The following KCNH5 variants were observed in gnomAD, a reference collection of about 807,000 sequenced individuals.
The protein encoded by KCNH5 is potassium voltage-gated channel subfamily H member 5.
A neutral mutation model predicts 96.1 loss-of-function variants in KCNH5; 46 were observed. That is an observed-to-expected ratio of 0.48 (90% CI 0.38 to 0.61). KCNH5 has a LOEUF of 0.61. KCNH5 is among the 20% of genes least tolerant of loss of function. KCNH5 has a pLI of 0.00. For missense variants in KCNH5, 907 were observed against 1,225.8 expected, an observed-to-expected ratio of 0.74 and a Z score of 3.88; for synonymous variants, 439 against 449.8, an observed-to-expected ratio of 0.98 and a Z score of 0.30.
chr14:62,969,416 T>C (rs1890361220), intron 6 of KCNH5, among the ~76,000 whole-genome samples: 1 of 151,996 alleles, frequency 6.6e-6, no homozygotes, highest in Non-Finnish European at 1.5e-5. Flanking sequence ...ATAAATGAAA[T>C]TGAAAATAGG....
intron 8 of KCNH5, among the ~76,000 whole-genome samples, chr14:62,826,399 C>CGTATGTGTGT (rs1887225031): frequency 9.3e-6 from 1 of 108,038 alleles, no homozygotes; most frequent in African/African-American, 4.1e-5. Flanking sequence ...TGTGTGTGTG[C>CGTATGTGTGT]GTGCGTGCAT....
At chr14:62,754,679 C>A (rs1193496340) in intron 10 of KCNH5, among the ~76,000 whole-genome samples, 1 of 151,770 alleles carries the variant, frequency 6.6e-6, no homozygotes, top group Non-Finnish European at 1.5e-5. Flanking sequence ...TCACGACCAG[C>A]CCAGTCAACA....
At chr14:62,883,599 T>C (rs1240170477) in intron 7 of KCNH5, among the ~76,000 whole-genome samples, 3 of 152,030 alleles carry the variant, frequency 2.0e-5, no homozygotes, top group Non-Finnish European at 2.9e-5. Context: ...GAAATATATA[T>C]TTGCAGATAC....
rs566009421 is a variant in KCNH5, at chr14:62,898,129, T to C, written c.1370-48277A>G. ...TGGTCTTAAGTATCTTAGAATATGTTAGGAACACAGGTTGAAAAATATAAT... is the reference window on the plus strand; with the variant it reads ...TGGTCTTAAGTATCTTAGAATATGTCAGGAACACAGGTTGAAAAATATAAT... On this transcript the variant is annotated intron_variant, in intron 7 of 10. Transcript: ENST00000322893. 1.8e-4 allele frequency among the ~76,000 whole-genome samples: 28 copies of C among 152,254 alleles called. No individual in the cohort carries two copies. The South Asian group carries it at 5.4e-3, about 29-fold the overall frequency.
chr14:62,754,736 A>C (rs1041793330), intron 10 of KCNH5, among the ~76,000 whole-genome samples: 2 of 151,682 alleles, frequency 1.3e-5, no homozygotes, highest in African/African-American at 4.8e-5. Flanking sequence ...ATAGTCAAGC[A>C]TGGGGGTGTG....
intron 10 of KCNH5, among the ~76,000 whole-genome samples, chr14:62,742,585 G>A (rs1885293361): frequency 1.3e-5 from 2 of 152,140 alleles, no homozygotes; most frequent in Admixed American, 1.3e-4. Flanking sequence ...AAGTTCCCCA[G>A]GTGAGTCTAA....
intron 10 of KCNH5, among the ~76,000 whole-genome samples, chr14:62,728,677 A>C (rs1052174865): frequency 6.6e-6 from 1 of 152,208 alleles, no homozygotes; most frequent in African/African-American, 2.4e-5. Flanking sequence ...ATTCTGGAGA[A>C]GTTATTTAAC....
At chr14:62,943,560 C>T (rs557217670) in intron 7 of KCNH5, among the ~76,000 whole-genome samples, 18 of 152,276 alleles carry the variant, frequency 1.2e-4, no homozygotes, top group African/African-American at 3.8e-4. Flanking sequence ...TTACTTACAT[C>T]TTGATCTAAA....
intron 8 of KCNH5, among the ~76,000 whole-genome samples, chr14:62,845,504 C>G (rs1462337606): frequency 1.3e-5 from 2 of 152,170 alleles, no homozygotes; most frequent in African/African-American, 4.8e-5. Context: ...GCCATATGTG[C>G]TCACTCGCTG....
chr14:62,915,888 G>A (rs1889263058), intron 7 of KCNH5, among the ~76,000 whole-genome samples: 1 of 151,964 alleles, frequency 6.6e-6, no homozygotes, highest in African/African-American at 2.4e-5. Context: ...AGAAATGAGT[G>A]ACTTGCCAAA....
At chr14:62,846,522 T>C (rs973142993) in intron 8 of KCNH5, among the ~76,000 whole-genome samples, 30 of 152,016 alleles carry the variant, frequency 2.0e-4, no homozygotes, top group African/African-American at 7.2e-4. Flanking sequence ...TTTTTTTGCA[T>C]TTAATTCTCA....
intron 8 of KCNH5, among the ~76,000 whole-genome samples, chr14:62,826,829 T>C (rs1025151353): frequency 2.0e-5 from 3 of 152,046 alleles, no homozygotes; most frequent in Non-Finnish European, 4.4e-5. Flanking sequence ...TTTCATCATA[T>C]GTATTTTACT....
chr14:62,812,575 C>T (rs1886894507), intron 8 of KCNH5, among the ~76,000 whole-genome samples: 1 of 151,910 alleles, frequency 6.6e-6, no homozygotes, highest in South Asian at 2.1e-4. Context: ...TGTCACAAAA[C>T]CTTAGAAGAT....
At chr14:62,867,044 C>T (rs1192366674) in intron 7 of KCNH5, among the ~76,000 whole-genome samples, 1 of 152,074 alleles carries the variant, frequency 6.6e-6, no homozygotes, top group South Asian at 2.1e-4. Context: ...GGAGTGATGC[C>T]CCAAATGGGA....
At chr14:62,963,253 T>C (rs997797516) in intron 6 of KCNH5, among the ~76,000 whole-genome samples, 1 of 152,138 alleles carries the variant, frequency 6.6e-6, no homozygotes, top group Non-Finnish European at 1.5e-5. Context: ...AACTTTATCA[T>C]AGGTACGTCT....
chr14:62,875,247 G>A lies in KCNH5; in HGVS notation c.1370-25395C>T, dbSNP rs559648348. ...CTCATGGGTAGGAAGAATCAATATC[G>A]TGAAAATGGCCATACTGCCCAAGGT... On this transcript the variant is annotated intron_variant, in intron 7 of 10. Coordinates refer to ENST00000322893, the MANE Select transcript of KCNH5 (RefSeq NM_139318.5). Among the ~76,000 whole-genome samples, 38 of 151,250 alleles carry A rather than the reference G, an allele frequency of 2.5e-4. No individual in the cohort carries two copies. The South Asian group carries it at 6.3e-3, about 25-fold the overall frequency.
chr14:63,018,985 C>A (rs1891378480), intron 1 of KCNH5, among the ~76,000 whole-genome samples: 1 of 151,474 alleles, frequency 6.6e-6, no homozygotes. Context: ...AAAGAAAGAA[C>A]AATTTGAAAA....
At chr14:62,984,602 G>A (rs1353267094) in intron 5 of KCNH5, among the ~76,000 whole-genome samples, 2 of 152,204 alleles carry the variant, frequency 1.3e-5, no homozygotes, top group African/African-American at 2.4e-5. Context: ...AAGAGCATGC[G>A]CTGCAGGTAT....
At chr14:62,878,011 A>G (rs369296620) in intron 7 of KCNH5, among the ~76,000 whole-genome samples, 3 of 152,060 alleles carry the variant, frequency 2.0e-5, no homozygotes, top group Non-Finnish European at 4.4e-5. Flanking sequence ...AATACTATGC[A>G]GCCATAAAAA....
Sources: gnomAD v4.1 joint callset for allele counts (sites outside exome capture counted in the v4.1 genomes callset) on GRCh38, gnomAD v4.1.1 for gene constraint, MANE v1.5 for transcripts, NCBI Gene and HGNC (gene_info 2026-07-23, HGNC 2026-07-21) for gene names.